The following CCDC77 variants were observed in gnomAD, a reference collection of about 807,000 sequenced individuals.
CCDC77 encodes coiled-coil domain containing 77, also known as coiled-coil domain-containing protein 77.
CCDC77 carries 56 observed loss-of-function variants against 66.8 expected under a neutral mutation model. The observed-to-expected ratio is 0.84, with a 90% CI of 0.68 to 1.05. The LOEUF (loss-of-function observed/expected upper bound fraction) is 1.05, where lower values mean the gene tolerates loss of function less well. Among genes scored for constraint, CCDC77 ranks in the 50% least tolerant of loss-of-function variants. The pLI, the probability that CCDC77 is intolerant of heterozygous loss-of-function variation, is 0.00. For missense variants in CCDC77, 570 were observed against 576.8 expected (o/e 0.99, Z 0.12); for synonymous variants, 196 against 195.2 (o/e 1.00, Z -0.03).
intron 1 of CCDC77, among the ~76,000 whole-genome samples, chr12:393,252 A>C (rs1208954106): frequency 6.6e-6 from 1 of 152,098 alleles, no homozygotes; most frequent in Non-Finnish European, 1.5e-5. Context: ...CTAGGACCAC[A>C]GGTGTGCATC....
intron 2 of CCDC77, among the ~76,000 whole-genome samples, chr12:408,325 T>A (rs1464058346): frequency 6.6e-6 from 1 of 152,180 alleles, no homozygotes; most frequent in Admixed American, 6.5e-5. Flanking sequence ...TATAATAAGG[T>A]TGCTTAAAGT....
At chr12:436,362 G>C (rs971177276) in intron 9 of CCDC77, among the ~76,000 whole-genome samples, 1 of 151,624 alleles carries the variant, frequency 6.6e-6, no homozygotes, top group African/African-American at 2.4e-5. Flanking sequence ...CTGACCTCGT[G>C]ATCTGCCCGC....
chr12:436,600 A>AT (rs1945764298), intron 9 of CCDC77: 1 of 170,938 alleles, frequency 5.9e-6, no homozygotes, highest in Non-Finnish European at 1.2e-5. Flanking sequence ...TATTTTTAGT[A>AT]TTTTTGCACT....
At chr12:390,802 T>C (rs1944742099) in intron 1 of CCDC77, among the ~76,000 whole-genome samples, 1 of 152,054 alleles carries the variant, frequency 6.6e-6, no homozygotes, top group Non-Finnish European at 1.5e-5. Context: ...TGAATACATC[T>C]AGGGTTGGAG....
intron 2 of CCDC77, among the ~76,000 whole-genome samples, chr12:406,302 T>A (rs972293860): frequency 6.6e-6 from 1 of 152,048 alleles, no homozygotes; most frequent in Non-Finnish European, 1.5e-5. Flanking sequence ...AAAGTGACAT[T>A]TTAGCCCTGA....
In CCDC77 at chr12:413,300, G is replaced by A. The variant is rs547579246; in HGVS notation, c.270+1322G>A. On this transcript the variant is annotated intron_variant, in intron 4 of 12. Coordinates refer to ENST00000239830, the MANE Select transcript of CCDC77 (RefSeq NM_032358.4). The stretch of plus-strand genomic sequence containing the variant: ...CGCCCAGGCTGGAGTGCAGTGGCGC[G>A]ATCTCAGCTCACTGCAAGCTCCGCC... 3.0e-4 allele frequency among the ~76,000 whole-genome samples: 42 copies of A among 141,916 alleles called. No homozygotes were observed. The South Asian group carries it at 3.9e-3, about 13-fold the overall frequency. 93.1% of individuals were successfully genotyped at this position (141,916 alleles called of 152,430 possible). A position where few individuals can be genotyped will look rare whatever the true frequency, so the allele number is the denominator to read the frequency against.
intron 5 of CCDC77, among the ~76,000 whole-genome samples, chr12:423,129 T>TTTTTC (rs1555145499): frequency 4.4e-5 from 5 of 113,960 alleles, no homozygotes; most frequent in East Asian, 5.4e-4. Flanking sequence ...TTTTTTTTTT[T>TTTTTC]TTTTTTTTTG....
At position 427,117 on chromosome 12, in the gene CCDC77, C is replaced by T. The variant is rs139387114; in HGVS notation, c.414-1652C>T. ...AAAATTAGCTGGGCATTGTGGCATG[C>T]GCCTGTAGTCCCAGCTACTCGGGAG... On this transcript the variant is annotated intron_variant, in intron 5 of 12. Coordinates refer to ENST00000239830, the MANE Select transcript of CCDC77 (RefSeq NM_032358.4). Among the ~76,000 whole-genome samples the T allele has an allele frequency of 3.3e-3, 505 of 152,136 alleles. 3 individuals carry two copies. Among genetic ancestry groups the T allele is most frequent in the African/African-American group, 0.011 (471 of 41,522 alleles).
intron 1 of CCDC77, among the ~76,000 whole-genome samples, chr12:404,311 C>G (rs1036137135): frequency 6.6e-6 from 1 of 152,176 alleles, no homozygotes; most frequent in Admixed American, 6.5e-5. Flanking sequence ...GAGTGAGACT[C>G]TGTCTCAAAA....
At chr12:402,177 A>G (rs1565562189) in intron 1 of CCDC77, among the ~76,000 whole-genome samples, 1 of 152,262 alleles carries the variant, frequency 6.6e-6, no homozygotes, top group Admixed American at 6.5e-5. Flanking sequence ...AGATAGGTGC[A>G]GAGACCCTAG....
chr12:438,854 G>A (rs574371751), intron 10 of CCDC77, among the ~76,000 whole-genome samples: 1 of 151,252 alleles, frequency 6.6e-6, no homozygotes, highest in South Asian at 2.1e-4. Flanking sequence ...AAATCGTGAG[G>A]TCAGGAGTTC....
rs376809903 is a variant in CCDC77 at position 409,355 on chromosome 12, G to A, written c.-16-13G>A. 15 of 1,603,006 alleles carry A rather than the reference G, an allele frequency of 9.4e-6. No individual in the cohort carries two copies. Among genetic ancestry groups the A allele is most frequent in the Non-Finnish European group, 1.3e-5 (15 of 1,171,328 alleles). ...TCGTGGCCCGTAATTATGAATTTTTGTGTATTTGATAGGTGTGAAAAAGAC... is the reference window on the plus strand; with the variant it reads ...TCGTGGCCCGTAATTATGAATTTTTATGTATTTGATAGGTGTGAAAAAGAC... On this transcript the variant is annotated splice_polypyrimidine_tract_variant and intron_variant, in intron 2 of 12. Coordinates refer to ENST00000239830, the MANE Select transcript of CCDC77 (RefSeq NM_032358.4).
intron 5 of CCDC77, among the ~76,000 whole-genome samples, chr12:423,606 C>T (rs893173546): frequency 6.6e-6 from 1 of 150,964 alleles, no homozygotes; most frequent in African/African-American, 2.4e-5. Context: ...GATGATCCCC[C>T]CAACCTCAGC....
chr12:416,369 GTGTGTGTGTATATA>G (rs1313833876), intron 4 of CCDC77, among the ~76,000 whole-genome samples: 28 of 29,328 alleles, frequency 9.5e-4, no homozygotes, highest in East Asian at 3.9e-3. Context: ...GTGTGTGTGT[GTGTGTGTGTATATA>G]TATATATATA....
At chr12:401,431 C>T (rs1298195283), upstream of CCDC77, 1 of 152,286 alleles carries the variant, frequency 6.6e-6, no homozygotes, top group Non-Finnish European at 1.5e-5. Flanking sequence ...CCAGCTGCGT[C>T]GCCCCGCGCA....
At chr12:405,909 T>C (rs1565563437) in intron 2 of CCDC77, among the ~76,000 whole-genome samples, 1 of 139,350 alleles carries the variant, frequency 7.2e-6, no homozygotes, top group Non-Finnish European at 1.5e-5. Flanking sequence ...TGGTTATAAG[T>C]GTTCAACTTT....
chr12:402,548 C>G (rs1308651526), intron 1 of CCDC77, among the ~76,000 whole-genome samples: 1 of 152,102 alleles, frequency 6.6e-6, no homozygotes, highest in Non-Finnish European at 1.5e-5. Context: ...GGAAAGTTAT[C>G]TGGAAACGGT....
intron 5 of CCDC77, among the ~76,000 whole-genome samples, chr12:426,792 C>T (rs1945540113): frequency 6.6e-6 from 1 of 152,168 alleles, no homozygotes. Context: ...CTGTATCCAG[C>T]AGTCCTTAAA....
chr12:415,126 A>T (rs1192572750), intron 4 of CCDC77, among the ~76,000 whole-genome samples: 2 of 151,890 alleles, frequency 1.3e-5, no homozygotes, highest in Non-Finnish European at 2.9e-5. Flanking sequence ...GAATACATTT[A>T]CTGGGACACA....
Sources: gnomAD v4.1 joint callset for allele counts (sites outside exome capture counted in the v4.1 genomes callset) on GRCh38, gnomAD v4.1.1 for gene constraint, MANE v1.5 for transcripts, NCBI Gene and HGNC (gene_info 2026-07-23, HGNC 2026-07-21) for gene names.